The following ZFR2 variants were observed in gnomAD, a reference collection of about 807,000 sequenced individuals.
The protein encoded by ZFR2 is zinc finger RNA binding protein 2.
Under a neutral mutation model 105.7 loss-of-function variants are expected in ZFR2, and 104 were observed. The observed-to-expected ratio is 0.98, with a 90% confidence interval of 0.84 to 1.16. The LOEUF (loss-of-function observed/expected upper bound fraction) is 1.16, where lower values mean the gene tolerates loss of function less well. Ranked by LOEUF, ZFR2 falls within the 50% of genes most tolerant of loss-of-function variation. The probability of loss-of-function intolerance (pLI) is 0.00; values close to 1 mark genes in which losing one functional copy is unlikely to be tolerated. For synonymous variants in ZFR2, 634 were observed against 597.7 expected (o/e 1.06, Z -0.89); for missense variants, 1,425 against 1,355.5 (o/e 1.05, Z -0.80).
intron 11 of ZFR2, among the ~76,000 whole-genome samples, chr19:3,819,591 C>T (rs1468785984): frequency 7.2e-5 from 11 of 152,144 alleles, no homozygotes; most frequent in African/African-American, 2.2e-4. Flanking sequence ...CGGTGGCTCA[C>T]GCCTGTAATC....
At chr19:3,842,611 CTT>C (rs1318708520) in intron 1 of ZFR2, among the ~76,000 whole-genome samples, 1 of 150,936 alleles carries the variant, frequency 6.6e-6, no homozygotes, top group Non-Finnish European at 1.5e-5. Flanking sequence ...CATTTCAGAA[CTT>C]TTTTTTCTTT....
At position 3,805,697 on chromosome 19, in the gene ZFR2, G is replaced by C. The variant is rs1248313805; in HGVS notation, c.*252C>G. 2.4e-6 allele frequency: 1 copy of C among 422,210 alleles called. No homozygotes were observed. Among genetic ancestry groups the C allele is most frequent in the African/African-American group, 2.1e-5 (1 of 48,490 alleles). 26.2% of individuals were successfully genotyped at this position (422,210 alleles called of 1,614,324 possible). On this transcript the variant is annotated 3_prime_UTR_variant, in exon 19 of 19. Transcript: ENST00000262961. ...TTTAAAAATATTTTGGAGAGATGGG[G>C]GTCTCACTCTGTTGTCTGGGCTGGC...
chr19:3,811,197 G>A (rs1236838838), intron 15 of ZFR2, 75 bp downstream of exon 15: 17 of 1,402,362 alleles, frequency 1.2e-5, no homozygotes, highest in Middle Eastern at 2.5e-4. Flanking sequence ...CGGCCGCGCC[G>A]GGTTGACCTG....
intron 1 of ZFR2, chr19:3,852,480 G>A (rs1354213483): frequency 2.8e-6 from 2 of 718,488 alleles, no homozygotes; most frequent in Admixed American, 2.0e-5. Context: ...CCATAAGATG[G>A]AGCAGATGCA....
Position 3,825,084 on chromosome 19 carries a change from T to C in ZFR2, c.1213+146A>G, listed in dbSNP as rs904351064. 5.0e-5 allele frequency: 48 copies of C among 960,414 alleles called. No homozygotes were observed. In the South Asian group the frequency reaches 9.2e-4, roughly 18 times the overall value. The allele number at this position is 960,414 out of a possible 1,614,324, so 59.5% of individuals were successfully genotyped here. ...GGGAGGCCATCTTGCTCTGCAGGAA[T>C]AAGGGAGAGACGGCACCAGCCAGCC... On this transcript the variant is annotated intron_variant, in intron 7 of 18. Transcript: ENST00000262961.
rs111260022 is a variant in ZFR2, at chr19:3,849,496, G to A, written c.54-14513C>T. ...TGGGCCCTGCAGCGTGCTGAGCAGCGTCCCCAGCCTCCACCCACTCCATGC... is the reference window on the plus strand; with the variant it reads ...TGGGCCCTGCAGCGTGCTGAGCAGCATCCCCAGCCTCCACCCACTCCATGC... On this transcript the variant is annotated intron_variant, in intron 1 of 18. Transcript: ENST00000262961. Among the ~76,000 whole-genome samples, 990 of 152,332 alleles carry A rather than the reference G, an allele frequency of 6.5e-3. 8 individuals are homozygous for A. The highest frequency in any genetic ancestry group is 0.023 in the African/African-American group (940 of 41,576).
intron 13 of ZFR2, among the ~76,000 whole-genome samples, chr19:3,816,277 G>A (rs932157768): frequency 3.8e-5 from 5 of 130,552 alleles, no homozygotes; most frequent in Non-Finnish European, 7.7e-5. Context: ...ACCCAGTCTC[G>A]CTCTGTCGCC....
rs749937705 is a variant in ZFR2, at chr19:3,813,837, TC to T, written c.2224del (p.Asp742ThrfsTer19). The T allele has an allele frequency of 1.2e-6, 2 of 1,613,328 alleles. No individual in the cohort carries two copies. Among genetic ancestry groups the T allele is most frequent in the Admixed American group, 3.3e-5 (2 of 59,934 alleles). Reference sequence around the variant, plus strand: ...GGCCGCACCTGGGTCTGTGGAGGGGTCCTCCCGCATCAGAGGTGAGGTGACA... The same window carrying T: ...GGCCGCACCTGGGTCTGTGGAGGGGTCTCCCGCATCAGAGGTGAGGTGACA... Reference protein sequence around the residue: ...ISVTSPLMREDPSTDPGVEEP... With the variant: ...ISVTSPLMREXPSTDPGVEEP... On this transcript the variant is annotated frameshift_variant, in exon 14 of 19. Coordinates refer to ENST00000262961, the MANE Select transcript of ZFR2 (RefSeq NM_015174.2). LOFTEE classifies it high-confidence loss of function. This position sits in a 1 kb window ranked among gnomAD's most constrained non-coding sequence, Gnocchi z 4.4.
chr19:3,839,071 G>C (rs764800968), intron 1 of ZFR2, among the ~76,000 whole-genome samples: 1 of 152,150 alleles, frequency 6.6e-6, no homozygotes, highest in Non-Finnish European at 1.5e-5. Context: ...CCCTGGGACC[G>C]CACACGCTCT....
chr19:3,807,637 CTG>C (rs1433867049), intron 17 of ZFR2, among the ~76,000 whole-genome samples: 2 of 150,368 alleles, frequency 1.3e-5, no homozygotes, highest in East Asian at 2.0e-4. Context: ...GCATGTGTGC[CTG>C]TGTGTGCATG....
rs2038041298 is a variant in ZFR2 at position 3,833,426 on chromosome 19, A to C, written c.379+238T>G. The C allele has an allele frequency of 7.9e-6, 3 of 377,980 alleles. No homozygotes were observed. The South Asian group carries it at 1.1e-4, about 14-fold the overall frequency. The allele number at this position is 377,980 out of a possible 1,614,324, so 23.4% of individuals were successfully genotyped here. On this transcript the variant is annotated intron_variant, in intron 3 of 18. Transcript: ENST00000262961. The stretch of plus-strand genomic sequence containing the variant: ...CCCGTCTCTACTAAAAATACAAAAA[A>C]TTAGCCGGGCGTGGTTGCAGGCACT...
In ZFR2 at chr19:3,858,758, C is replaced by T. The variant is rs1489630662; in HGVS notation, c.53+10207G>A. ...ACTTGAACCTGGGAGGCAGAGGTTG[C>T]AGTGAGCTGAGATTGCACCACTGTA... On this transcript the variant is annotated intron_variant, in intron 1 of 18. Coordinates refer to ENST00000262961, the MANE Select transcript of ZFR2 (RefSeq NM_015174.2). This position sits in a 1 kb window ranked among gnomAD's most constrained non-coding sequence, Gnocchi z 4.3. Among the ~76,000 whole-genome samples the T allele has an allele frequency of 1.3e-5, 2 of 152,222 alleles. No homozygotes were observed. The highest frequency in any genetic ancestry group is 4.8e-5 in the African/African-American group (2 of 41,454).
intron 16 of ZFR2, among the ~76,000 whole-genome samples, 186 bp downstream of exon 16, chr19:3,810,564 T>C (rs1008137936): frequency 6.6e-6 from 1 of 152,240 alleles, no homozygotes; most frequent in Non-Finnish European, 1.5e-5. Context: ...GGCAGTCAAA[T>C]GAGGCTGTGG....
intron 1 of ZFR2, among the ~76,000 whole-genome samples, chr19:3,847,207 T>C (rs2038192937): frequency 6.6e-6 from 1 of 152,206 alleles, no homozygotes; most frequent in Admixed American, 6.6e-5. Flanking sequence ...TTGCCCTTGT[T>C]ATGATGCAGC....
intron 18 of ZFR2, among the ~76,000 whole-genome samples, chr19:3,806,503 G>A (rs1238303307): frequency 2.0e-5 from 3 of 152,084 alleles, no homozygotes; most frequent in Non-Finnish European, 2.9e-5. Flanking sequence ...CTTGTGATCC[G>A]CCCGCCTCGG....
chr19:3,850,893 G>A (rs1315440761), intron 1 of ZFR2, among the ~76,000 whole-genome samples: 2 of 102,832 alleles, frequency 1.9e-5, no homozygotes, highest in African/African-American at 4.2e-5. Flanking sequence ...TGACAGGGCA[G>A]TCTTTTCAAA....
intron 1 of ZFR2, among the ~76,000 whole-genome samples, chr19:3,835,448 C>T (rs2038069229): frequency 6.6e-6 from 1 of 151,634 alleles, no homozygotes; most frequent in Admixed American, 6.6e-5. Context: ...GCCTCAGCCT[C>T]CCGAGTAGCT....
intron 16 of ZFR2, among the ~76,000 whole-genome samples, chr19:3,810,211 GAGA>G (rs2037746661): frequency 6.6e-6 from 1 of 152,224 alleles, no homozygotes; most frequent in African/African-American, 2.4e-5. Flanking sequence ...GTGGCTGGTG[GAGA>G]AGGTGTGGGG....
intron 9 of ZFR2, 125 bp from the exon 10 acceptor site, chr19:3,821,604 C>A: frequency 1.6e-5 from 4 of 246,300 alleles, no homozygotes; most frequent in Non-Finnish European, 2.4e-5. Context: ...CTCCCAAAGC[C>A]TTTTTTTTTT....
Sources: allele counts gnomAD v4.1 joint callset (sites outside exome capture counted in the v4.1 genomes callset), GRCh38; gene constraint gnomAD v4.1.1; non-coding constraint Gnocchi (gnomAD v3.1); transcripts MANE v1.5; gene names NCBI Gene and HGNC (gene_info 2026-07-23, HGNC 2026-07-21).